The following PCBP3 variants were observed in gnomAD, a reference collection of about 807,000 sequenced individuals.
The protein encoded by PCBP3 is poly(rC)-binding protein 3.
Under a neutral mutation model 52.7 loss-of-function variants are expected in PCBP3, and 25 were observed. That is an observed-to-expected ratio of 0.47 (90% CI 0.35 to 0.66). The LOEUF (loss-of-function observed/expected upper bound fraction) is 0.66, where lower values mean the gene tolerates loss of function less well. PCBP3 is among the 30% of genes least tolerant of loss of function. The pLI, the probability that PCBP3 is intolerant of heterozygous loss-of-function variation, is 0.01. For synonymous variants in PCBP3, 162 were observed against 183.0 expected (o/e 0.89, Z 0.93); for missense variants, 391 against 490.3 (o/e 0.80, Z 1.91).
intron 1 of PCBP3, among the ~76,000 whole-genome samples, chr21:45,646,082 TTTCTCTC>T (rs1569069921): frequency 7.2e-4 from 83 of 115,014 alleles, no homozygotes; most frequent in Middle Eastern, 4.7e-3. Flanking sequence ...TCTCTCTCTC[TTTCTCTC>T]TCTCTCTCTC....
chr21:45,746,894 G>A (rs1313202168), intron 3 of PCBP3, among the ~76,000 whole-genome samples: 1 of 121,468 alleles, frequency 8.2e-6, no homozygotes, highest in Non-Finnish European at 1.6e-5. Flanking sequence ...GTCCACTGAC[G>A]TAGCGCACAC....
At chr21:45,738,409 C>T (rs1337496112) in intron 3 of PCBP3, among the ~76,000 whole-genome samples, 1 of 151,990 alleles carries the variant, frequency 6.6e-6, no homozygotes, top group Non-Finnish European at 1.5e-5. Flanking sequence ...CGCCCGCCAC[C>T]ACGCCCAGCT....
At chr21:45,738,541 A>G (rs1179847864) in intron 3 of PCBP3, among the ~76,000 whole-genome samples, 12 of 152,242 alleles carry the variant, frequency 7.9e-5, no homozygotes, top group Non-Finnish European at 1.3e-4. Context: ...GTCGTGAGCC[A>G]CTGCGCCTGG....
chr21:45,806,718 C>T (rs1377599100), intron 4 of PCBP3, among the ~76,000 whole-genome samples: 1 of 151,946 alleles, frequency 6.6e-6, no homozygotes, highest in Non-Finnish European at 1.5e-5. Context: ...GGCCAGGGAC[C>T]CAGGCCGCAG....
intron 2 of PCBP3, among the ~76,000 whole-genome samples, chr21:45,720,588 A>G (rs1037272409): frequency 3.3e-5 from 5 of 152,258 alleles, no homozygotes; most frequent in African/African-American, 1.2e-4. Context: ...TAAATGCCTT[A>G]GCAGTAAAAG....
At chr21:45,849,291 C>T (rs1340707160) in intron 4 of PCBP3, among the ~76,000 whole-genome samples, 3 of 151,822 alleles carry the variant, frequency 2.0e-5, no homozygotes, top group Admixed American at 1.3e-4. Context: ...CTGCAACCCC[C>T]GCCTCCTGGG....
intron 13 of PCBP3, among the ~76,000 whole-genome samples, chr21:45,920,888 C>T (rs577601514): frequency 1.1e-4 from 16 of 152,264 alleles, no homozygotes; most frequent in Admixed American, 3.3e-4. Flanking sequence ...CTGAATTGCC[C>T]GGTCTAAGGC....
At chr21:45,885,270 C>G (rs1431172592) in intron 5 of PCBP3, among the ~76,000 whole-genome samples, 1 of 152,132 alleles carries the variant, frequency 6.6e-6, no homozygotes, top group Non-Finnish European at 1.5e-5. Context: ...TCCATTGTCT[C>G]CCTCCTGTAG....
chr21:45,841,650 A>G (rs1439487505), intron 4 of PCBP3, among the ~76,000 whole-genome samples: 1 of 151,898 alleles, frequency 6.6e-6, no homozygotes, highest in African/African-American at 2.4e-5. Context: ...TCATACTTTT[A>G]CTTCTTTTTG....
chr21:45,819,216 G>A (rs1447081678), intron 4 of PCBP3, among the ~76,000 whole-genome samples: 3 of 152,150 alleles, frequency 2.0e-5, no homozygotes, highest in African/African-American at 4.8e-5. Flanking sequence ...CTCTGGTGGC[G>A]GGCTGTGGGG....
chr21:45,706,144 C>T (rs1056909092), intron 2 of PCBP3, among the ~76,000 whole-genome samples: 1 of 152,212 alleles, frequency 6.6e-6, no homozygotes, highest in African/African-American at 2.4e-5. Flanking sequence ...CAAACTTTCT[C>T]CTCCTGGAGC....
chr21:45,850,636 C>G (rs1472661962), intron 5 of PCBP3, among the ~76,000 whole-genome samples: 1 of 152,158 alleles, frequency 6.6e-6, no homozygotes, highest in African/African-American at 2.4e-5. Flanking sequence ...CATATCCCTT[C>G]AAGAAGTAGG....
rs2084677141 is a variant in PCBP3, at chr21:45,721,947, A to G, written c.-199-13445A>G. Among the ~76,000 whole-genome samples the G allele has an allele frequency of 2.6e-5, 4 of 152,244 alleles. No individual in the cohort carries two copies. In the South Asian group the frequency reaches 8.3e-4, roughly 31 times the overall value. On this transcript the variant is annotated intron_variant, in intron 2 of 17. Coordinates refer to ENST00000681687, the MANE Select transcript of PCBP3 (RefSeq NM_001384156.1). Reference sequence around the variant, plus strand: ...CAAGCTTCTGGGGGCTCTTTGTTCAAGTATATGAGAAGCTCTAAAAATATT... The same window carrying G: ...CAAGCTTCTGGGGGCTCTTTGTTCAGGTATATGAGAAGCTCTAAAAATATT...
At chr21:45,761,931 T>C (rs2088709097) in intron 4 of PCBP3, 1 of 152,286 alleles carries the variant, frequency 6.6e-6, no homozygotes. Context: ...GTAACTGGTC[T>C]CTCTCTGTGC....
chr21:45,911,487 G>A (rs2096393374), intron 11 of PCBP3, among the ~76,000 whole-genome samples: 1 of 152,152 alleles, frequency 6.6e-6, no homozygotes, highest in African/African-American at 2.4e-5. Flanking sequence ...GAGGAACAGA[G>A]GTCAAAACTC....
intron 4 of PCBP3, among the ~76,000 whole-genome samples, chr21:45,803,435 AG>A (rs1035801598): frequency 1.3e-5 from 2 of 152,066 alleles, no homozygotes; most frequent in Non-Finnish European, 2.9e-5. Context: ...TGAGGAAAGG[AG>A]GGCGAGAGCA....
intron 4 of PCBP3, among the ~76,000 whole-genome samples, chr21:45,785,263 G>A (rs1423213166): frequency 2.6e-5 from 4 of 151,486 alleles, no homozygotes; most frequent in African/African-American, 7.3e-5. Context: ...ATCTCCGCCC[G>A]GCAGCCACCC....
At chr21:45,663,301 A>G (rs2080544514) in intron 1 of PCBP3, among the ~76,000 whole-genome samples, 3 of 151,702 alleles carry the variant, frequency 2.0e-5, no homozygotes, top group East Asian at 3.9e-4. Flanking sequence ...CTTGTATCCA[A>G]TAAATAACAG....
intron 2 of PCBP3, among the ~76,000 whole-genome samples, chr21:45,731,243 A>T (rs774983476): frequency 5.9e-5 from 9 of 152,154 alleles, no homozygotes; most frequent in Non-Finnish European, 1.0e-4. Flanking sequence ...ACCAAGGAGG[A>T]TTTAACAAGG....
Sources: allele counts gnomAD v4.1 joint callset (sites outside exome capture counted in the v4.1 genomes callset), GRCh38; gene constraint gnomAD v4.1.1; transcripts MANE v1.5; gene names NCBI Gene and HGNC (gene_info 2026-07-23, HGNC 2026-07-21).